Variants in BRAT1 observed in about 807,000 individuals in gnomAD.
BRAT1 encodes integrator complex assembly factor BRAT1.
A neutral mutation model predicts 70.6 loss-of-function variants in BRAT1; 74 were observed. That is an observed-to-expected ratio of 1.05 (90% CI 0.87 to 1.27). The LOEUF (loss-of-function observed/expected upper bound fraction) is 1.27. BRAT1 is among the 50% of genes most tolerant of loss of function. BRAT1 has a pLI of 0.00. For missense variants in BRAT1, 1,203 were observed against 1,098.2 expected, an observed-to-expected ratio of 1.10 and a Z score of -1.35; for synonymous variants, 615 against 517.1, an observed-to-expected ratio of 1.19 and a Z score of -2.57.
In BRAT1 at chr7:2,539,613, A is replaced by C. The variant is rs376165927; in HGVS notation, c.1528T>G (p.Cys510Gly). 6.3e-6 allele frequency: 10 copies of C among 1,594,178 alleles called. No homozygotes were observed. The highest frequency in any genetic ancestry group is 8.5e-6 in the Non-Finnish European group (10 of 1,169,770). ...ELFPVLQKRL[C>G]HPCWEVRDSA... ...TCCCTCACCTCCCAGCAGGGGTGGC[A>C]CAGGCGTTTCTGCAGCACAGGGAAC... The change falls in exon 12 of 14, where the codon TGC becomes GGC. Residue 510 changes from cysteine to glycine, a missense_variant. Physicochemically the swap from Cys to Gly is radical, Grantham distance 159. Coordinates refer to ENST00000340611, the MANE Select transcript of BRAT1 (RefSeq NM_152743.4).
rs752390091 is a variant in BRAT1, at chr7:2,538,351, G to A, written c.2184C>T (p.Asp728=). Residue 728 remains aspartate (D), a synonymous_variant, in exon 14 of 14, where the codon GAC becomes GAT. Coordinates refer to ENST00000340611, the MANE Select transcript of BRAT1 (RefSeq NM_152743.4). ...KSCDLLLFLR[D]KIASYSSLRE... ...GCAGGCTGCTGTAGGAAGCAATCTT[G>A]TCCCTCAGGAAGAGAAGGAGGTCAC... 22 of 1,613,238 alleles carry A rather than the reference G, an allele frequency of 1.4e-5. No individual in the cohort carries two copies. Among genetic ancestry groups the A allele is most frequent in the Non-Finnish European group, 1.9e-5 (22 of 1,179,954 alleles).
rs778690788 is a variant in BRAT1 at position 2,541,421 on chromosome 7, G to C, written c.1198C>G (p.Leu400Val). 1.1e-4 allele frequency: 179 copies of C among 1,590,630 alleles called. No individual in the cohort carries two copies. The highest frequency in any genetic ancestry group is 1.4e-4 in the Non-Finnish European group (162 of 1,169,908). ...LLGATVTVLR[L>V]CDGSAAPASS... ...GCAGGGGCAGCCGAGCCGTCACAGA[G>C]CCGCAGGACAGTCACTGTAGCCCCC... The change falls in exon 9 of 14, where the codon CTC becomes GTC. Residue 400 changes from leucine to valine, a missense_variant. Physicochemically the swap from Leu to Val is conservative, Grantham distance 32 (BLOSUM62 1). Transcript: ENST00000340611.
In BRAT1 at chr7:2,543,288, C is replaced by T. The variant is rs1208214745; in HGVS notation, c.839G>A (p.Trp280Ter). The change falls in exon 6 of 14, where the codon TGG (tryptophan) becomes TAG (stop). Residue 280 changes from tryptophan to a stop codon, truncating the protein, a stop_gained. Transcript: ENST00000340611. LOFTEE classifies it high-confidence loss of function. The surrounding 1 kb of genome is among the most constrained non-coding windows in gnomAD (Gnocchi z 5.5). Reference protein sequence around the residue: ...PVFSSSDGSLWETVARALSCL... With the variant: ...PVFSSSDGSL Reference sequence around the variant, plus strand: ...GCTCAGAGCCCGCGCCACTGTCTCCCACAGGCTGCCGTCGGAAGAACTGAA... The same window carrying T: ...GCTCAGAGCCCGCGCCACTGTCTCCTACAGGCTGCCGTCGGAAGAACTGAA... The T allele has an allele frequency of 6.2e-7, 1 of 1,609,328 alleles. No homozygotes were observed. The highest frequency in any genetic ancestry group is 8.5e-7 in the Non-Finnish European group (1 of 1,177,844).
At position 2,552,796 on chromosome 7, in the gene BRAT1, T is replaced by G. The variant is rs1161055309; in HGVS notation, c.127+1509A>C. 1.3e-4 allele frequency among the ~76,000 whole-genome samples: 20 copies of G among 151,916 alleles called. No homozygotes were observed. The East Asian group carries it at 3.9e-3, about 29-fold the overall frequency. ...CTCTGTCGCCCAGGCTGCAGTGCAGTGGCGTGATCTCGGCTCACTGCAAGC... is the reference window on the plus strand; with the variant it reads ...CTCTGTCGCCCAGGCTGCAGTGCAGGGGCGTGATCTCGGCTCACTGCAAGC... On this transcript the variant is annotated intron_variant, in intron 2 of 13. Transcript: ENST00000340611.
Position 2,543,071 on chromosome 7 carries a change from G to C in BRAT1, c.923+133C>G. The stretch of plus-strand genomic sequence containing the variant: ...CCGCGCGCAACCCACGCACCACCCA[G>C]TCACACCCCGCACGGCCGCCTGACT... On this transcript the variant is annotated intron_variant, in intron 6 of 13. Transcript: ENST00000340611. The surrounding 1 kb of genome is among the most constrained non-coding windows in gnomAD (Gnocchi z 5.5). The C allele has an allele frequency of 5.7e-6, 7 of 1,222,556 alleles. No homozygotes were observed. In the South Asian group the frequency reaches 9.7e-5, roughly 17 times the overall value. 75.7% of individuals were successfully genotyped at this position (1,222,556 alleles called of 1,614,324 possible).
chr7:2,538,330 G>A lies in BRAT1; in HGVS notation c.2205C>T (p.Ser735=), dbSNP rs546466299. 8.1e-6 allele frequency: 13 copies of A among 1,613,114 alleles called. No individual in the cohort carries two copies. Among genetic ancestry groups the A allele is most frequent in the South Asian group, 5.5e-5 (5 of 91,092 alleles). The change falls in exon 14 of 14, where the codon AGC becomes AGT. Residue 735 remains serine, a synonymous_variant. Transcript: ENST00000340611. ...TGGGGCTGCCCCTGGCCTCCCGCAG[G>A]CTGCTGTAGGAAGCAATCTTGTCCC... The part of the protein sequence containing the change: ...FLRDKIASYS[S]LREARGSPNT...
At chr7:2,545,122 T>C (rs1311366430) in intron 3 of BRAT1, 66 bp from the exon 4 acceptor site, 12 of 1,428,028 alleles carry the variant, frequency 8.4e-6, no homozygotes, top group Non-Finnish European at 1.1e-5. Context: ...TCCCAGCACT[T>C]TGGGAGGCCG....
rs761385305 is a variant in BRAT1, at chr7:2,541,826, G to C, written c.1026C>G (p.Asp342Glu). Reference protein sequence around the residue: ...VQAPGPPGLLDGTADDATTVD... With the variant: ...VQAPGPPGLLEGTADDATTVD... The stretch of plus-strand genomic sequence containing the variant: ...CCGTCGTGGCATCGTCTGCCGTCCC[G>C]TCCAGCAAGCCTGGGGGCCAAGCCA... The change falls in exon 8 of 14, where the codon GAC (aspartate) becomes GAG (glutamate). Residue 342 changes from aspartate (D) to glutamate (E), a missense_variant. Transcript: ENST00000340611. The C allele has an allele frequency of 6.2e-7, 1 of 1,612,760 alleles. No individual in the cohort carries two copies. The highest frequency in any genetic ancestry group is 8.5e-7 in the Non-Finnish European group (1 of 1,179,838).
intron 2 of BRAT1, among the ~76,000 whole-genome samples, chr7:2,549,882 A>G (rs919970941): frequency 6.6e-6 from 1 of 152,252 alleles, no homozygotes. Flanking sequence ...GAAGTAAGTT[A>G]ACTGATCACG....
chr7:2,555,117 G>C (rs1780325529), intron 1 of BRAT1, among the ~76,000 whole-genome samples: 1 of 151,926 alleles, frequency 6.6e-6, no homozygotes, highest in Admixed American at 6.6e-5. Flanking sequence ...GGGGCGGCGG[G>C]GTGCGGAAAG....
In BRAT1 at chr7:2,539,894, G is replaced by A; in HGVS notation, c.1396-6C>T. ...TGGAAGGCCTTCTTCAGAACCTGGA[G>A]CAGATAGGGTGGGCTGCAGGGCCAC... On this transcript the variant is annotated splice_polypyrimidine_tract_variant and splice_region_variant and intron_variant, in intron 10 of 13. Coordinates refer to ENST00000340611, the MANE Select transcript of BRAT1 (RefSeq NM_152743.4). 5 of 1,542,440 alleles carry A rather than the reference G, an allele frequency of 3.2e-6. No individual in the cohort carries two copies. The highest frequency in any genetic ancestry group is 4.4e-6 in the Non-Finnish European group (5 of 1,145,790).
At chr7:2,549,347 C>T (rs1316822330) in intron 2 of BRAT1, among the ~76,000 whole-genome samples, 2 of 151,754 alleles carry the variant, frequency 1.3e-5, no homozygotes, top group Non-Finnish European at 2.9e-5. Context: ...CATGGTGGCG[C>T]GCATCTATAG....
At chr7:2,540,162 G>A (rs892890855) in intron 10 of BRAT1, 3 of 414,276 alleles carry the variant, frequency 7.2e-6, no homozygotes, top group African/African-American at 4.1e-5. Context: ...GGGGCTAGAG[G>A]CACACATCAC....
At position 2,541,048 on chromosome 7, in the gene BRAT1, G is replaced by C; in HGVS notation, c.1326C>G (p.Pro442=). ...CAAGCGCCTGCGTCACCAGCTCCTG[G>C]GGGCCTGAGACAGAGGTGAGTGGAT... ...FLGTLSQGTG[P]QELVTQALAV... is the part of the protein sequence containing the mutation. The change falls in exon 10 of 14, where the codon CCC becomes CCG. Residue 442 remains proline (P), a synonymous_variant. Coordinates refer to ENST00000340611, the MANE Select transcript of BRAT1 (RefSeq NM_152743.4). 1 of 1,566,048 alleles carries C rather than the reference G, an allele frequency of 6.4e-7. No individual in the cohort carries two copies. Among genetic ancestry groups the C allele is most frequent in the Non-Finnish European group, 8.6e-7 (1 of 1,165,550 alleles).
At chr7:2,545,363 C>CAAAAAAAAAAAAAAAAAAAAA (rs1185029266) in intron 3 of BRAT1, among the ~76,000 whole-genome samples, 4 of 25,132 alleles carry the variant, frequency 1.6e-4, no homozygotes, top group South Asian at 2.6e-3. Flanking sequence ...GACTCCATCT[C>CAAAAAAAAAAAAAAAAAAAAA]AAAAAAAAAA....
At chr7:2,540,838 T>G in intron 10 of BRAT1, 141 bp downstream of exon 10, 2 of 902,262 alleles carry the variant, frequency 2.2e-6, no homozygotes, top group East Asian at 6.6e-5. Flanking sequence ...ACCTGCATCG[T>G]GAAGCTCTCT....
chr7:2,555,095 G>A (rs1021599572), intron 1 of BRAT1, among the ~76,000 whole-genome samples: 2 of 151,690 alleles, frequency 1.3e-5, no homozygotes, highest in African/African-American at 4.8e-5. Context: ...TGAAGCCGGC[G>A]GGGGGGAGAG....
intron 1 of BRAT1, among the ~76,000 whole-genome samples, chr7:2,554,806 T>G (rs77163121): frequency 0.075 from 11,391 of 152,138 alleles, 914 homozygotes; most frequent in East Asian, 0.28. Flanking sequence ...CATCTTTGAG[T>G]TCCGGGGTCA....
At chr7:2,541,926 G>A (rs1419946021) in intron 7 of BRAT1, 90 bp from the exon 8 acceptor site, 35 of 1,412,870 alleles carry the variant, frequency 2.5e-5, no homozygotes, top group Non-Finnish European at 3.4e-5. Context: ...CCACAGCACA[G>A]GCCAGGACCT....
Sources: gnomAD v4.1 joint callset for allele counts (sites outside exome capture counted in the v4.1 genomes callset) on GRCh38, gnomAD v4.1.1 for gene constraint, Gnocchi (gnomAD v3.1) non-coding constraint, MANE v1.5 for transcripts, NCBI Gene and HGNC (gene_info 2026-07-23, HGNC 2026-07-21) for gene names.